Variants in CFAP70 observed in about 807,000 individuals in gnomAD.
CFAP70 encodes the protein cilia- and flagella-associated protein 70.
Under a neutral mutation model 137.6 loss-of-function variants are expected in CFAP70, and 81 were observed. That is an observed-to-expected ratio of 0.59 (90% CI 0.49 to 0.71). CFAP70 has a LOEUF of 0.71. CFAP70 is among the 30% of genes least tolerant of loss of function. The pLI, the probability that CFAP70 is intolerant of heterozygous loss-of-function variation, is 0.00. For missense variants in CFAP70, 976 were observed against 1,226.7 expected (o/e 0.80, Z 3.05); for synonymous variants, 382 against 423.6 (o/e 0.90, Z 1.20).
At chr10:73,284,758 A>C (rs1326412461) in intron 19 of CFAP70, among the ~76,000 whole-genome samples, 9 of 22,298 alleles carry the variant, frequency 4.0e-4, no homozygotes, top group African/African-American at 1.9e-3. Flanking sequence ...ATATATATAT[A>C]TATATATATA....
At chr10:73,260,924 A>G (rs987647995) in intron 25 of CFAP70, among the ~76,000 whole-genome samples, 1 of 152,140 alleles carries the variant, frequency 6.6e-6, no homozygotes, top group Non-Finnish European at 1.5e-5. Flanking sequence ...TCATATACAA[A>G]TTTTTGTGTG....
At chr10:73,289,309 G>A (rs1321065106) in intron 19 of CFAP70, among the ~76,000 whole-genome samples, 9 of 150,892 alleles carry the variant, frequency 6.0e-5, no homozygotes, top group Non-Finnish European at 1.0e-4. Context: ...TTTTTGAGAT[G>A]GAGTCTCACT....
At chr10:73,354,868 T>A in intron 1 of CFAP70, 33 bp from the exon 2 acceptor site, 1 of 1,301,256 alleles carries the variant, frequency 7.7e-7, no homozygotes, top group Non-Finnish European at 1.1e-6. Context: ...TGTCCCCTCA[T>A]GTACCACAGC....
chr10:73,276,287 A>G (rs899158916), intron 21 of CFAP70: 1 of 152,148 alleles, frequency 6.6e-6, no homozygotes, highest in African/African-American at 2.4e-5. Flanking sequence ...CTACAAAATT[A>G]ACAAAGTTAG....
At chr10:73,281,805 C>T (rs766327161) in intron 19 of CFAP70, among the ~76,000 whole-genome samples, 4 of 152,048 alleles carry the variant, frequency 2.6e-5, no homozygotes, top group South Asian at 2.1e-4. Flanking sequence ...AGGAGTACTG[C>T]GCAGCACAAA....
At chr10:73,339,892 T>C (rs975488478) in intron 6 of CFAP70, among the ~76,000 whole-genome samples, 49 of 152,224 alleles carry the variant, frequency 3.2e-4, no homozygotes, top group Non-Finnish European at 3.5e-4. Context: ...TTCTCCCCTT[T>C]TTGTCACCCA....
At chr10:73,331,246 A>G (rs1303994123) in exon 8 of CFAP70, 2 of 1,613,630 alleles carry the variant, frequency 1.2e-6, no homozygotes, top group African/African-American at 1.3e-5. Flanking sequence ...CTACAGGCCA[A>G]AGCCGGCAAT....
chr10:73,304,180 A>G (rs904332316), intron 12 of CFAP70, among the ~76,000 whole-genome samples: 1 of 151,956 alleles, frequency 6.6e-6, no homozygotes, highest in African/African-American at 2.4e-5. Context: ...CAGCCTCCCA[A>G]GTAGCTGGGA....
At chr10:73,295,214 G>A (rs11000588) in intron 15 of CFAP70, 16,060 of 152,582 alleles carry the variant, frequency 0.11, 1,221 homozygotes, top group East Asian at 0.3. Flanking sequence ...TACTTGAGAG[G>A]CTGAGGTGGC....
At chr10:73,330,571 AT>A (rs1481659477) in intron 8 of CFAP70, among the ~76,000 whole-genome samples, 1 of 151,998 alleles carries the variant, frequency 6.6e-6, no homozygotes, top group Non-Finnish European at 1.5e-5. Flanking sequence ...TAGTATTTTT[AT>A]TATGCAAAAA....
chr10:73,288,668 C>T (rs1176815784), intron 19 of CFAP70, among the ~76,000 whole-genome samples: 1 of 152,200 alleles, frequency 6.6e-6, no homozygotes, highest in African/African-American at 2.4e-5. Flanking sequence ...ATCTGAGTTC[C>T]TGGCTCTTCC....
rs562475566 is a variant in CFAP70 at position 73,324,252 on chromosome 10, T to C, written c.778-1155A>G. Among the ~76,000 whole-genome samples, 352 of 152,184 alleles carry C rather than the reference T, an allele frequency of 2.3e-3. 3 individuals carry two copies. Among genetic ancestry groups the C allele is most frequent in the African/African-American group, 7.9e-3 (327 of 41,532 alleles). The stretch of plus-strand genomic sequence containing the variant: ...GTCTGGAGTGGACCTCTAGCAAACT[T>C]CAACAGATCTGCAGCTGAGGGTCCT... On this transcript the variant is annotated intron_variant, in intron 8 of 26. Transcript: ENST00000310715.
exon 9 of CFAP70, chr10:73,322,974 C>A: frequency 6.2e-7 from 1 of 1,602,622 alleles, no homozygotes; most frequent in Non-Finnish European, 8.5e-7. Flanking sequence ...TTTTCATGGA[C>A]TACACTGTCT....
chr10:73,297,565 CA>C (rs5786107), intron 14 of CFAP70, among the ~76,000 whole-genome samples: 4,745 of 152,242 alleles, frequency 0.031, 238 homozygotes, highest in African/African-American at 0.1. Flanking sequence ...TGCCACTGTA[CA>C]ACTTCATAAA....
At chr10:73,317,500 T>C (rs2050492582) in intron 9 of CFAP70, among the ~76,000 whole-genome samples, 1 of 152,222 alleles carries the variant, frequency 6.6e-6, no homozygotes, top group South Asian at 2.1e-4. Flanking sequence ...ATGTTCTCTT[T>C]GTCTCTCTCT....
rs185116629 is a variant in CFAP70 at position 73,314,854 on chromosome 10, C to A, written c.913-2211G>T. Reference sequence around the variant, plus strand: ...CTCCTGGCCTCAATGATCTGCCCACCTCGGCCTCCCAAAGTGCTGGGATTA... The same window carrying A: ...CTCCTGGCCTCAATGATCTGCCCACATCGGCCTCCCAAAGTGCTGGGATTA... On this transcript the variant is annotated intron_variant, in intron 9 of 26. Transcript: ENST00000310715. Among the ~76,000 whole-genome samples the A allele has an allele frequency of 2.6e-3, 396 of 152,102 alleles. 1 individual carries two copies. The highest frequency in any genetic ancestry group is 4.9e-3 in the Non-Finnish European group (333 of 67,968).
chr10:73,345,017 G>A (rs779588386), intron 5 of CFAP70, 48 bp downstream of exon 6: 12 of 1,524,796 alleles, frequency 7.9e-6, no homozygotes, highest in South Asian at 6.8e-5. Flanking sequence ...GGCCATATGA[G>A]TACAGACATG....
intron 12 of CFAP70, among the ~76,000 whole-genome samples, chr10:73,302,675 T>C (rs2049037087): frequency 6.6e-6 from 1 of 152,148 alleles, no homozygotes; most frequent in Admixed American, 6.5e-5. Context: ...ACAAGGTACT[T>C]CAGCATAGTT....
chr10:73,359,630 GAGA>G (rs2054928265), upstream of CFAP70, among the ~76,000 whole-genome samples: 2 of 152,284 alleles, frequency 1.3e-5, no homozygotes, highest in South Asian at 4.1e-4. Flanking sequence ...GAAGTGTAGC[GAGA>G]AGGATGGAAA....
Sources: gnomAD v4.1 joint callset for allele counts (sites outside exome capture counted in the v4.1 genomes callset) on GRCh38, gnomAD v4.1.1 for gene constraint, MANE v1.5 for transcripts, NCBI Gene and HGNC (gene_info 2026-07-23, HGNC 2026-07-21) for gene names.